TEX15: variants seen among roughly 807,000 people sequenced by gnomAD.
The protein encoded by TEX15 is testis-expressed protein 15.
TEX15 carries 171 observed loss-of-function variants against 237.3 expected under a neutral mutation model. That is an observed-to-expected ratio of 0.72 (90% CI 0.64 to 0.82). TEX15 has a LOEUF of 0.82. Ranked by LOEUF, TEX15 falls within the 40% of genes least tolerant of loss-of-function variation. TEX15 has a pLI of 0.00. For missense variants in TEX15, 3,750 were observed against 3,646.5 expected (o/e 1.03, Z -0.73); for synonymous variants, 1,338 against 1,269.8 (o/e 1.05, Z -1.14).
In TEX15 at chr8:30,867,602, G is replaced by A. The variant is rs1385734706; in HGVS notation, c.303-100C>T. On this transcript the variant is annotated intron_variant, in intron 4 of 10. Coordinates refer to ENST00000643185, the MANE Select transcript of TEX15 (RefSeq NM_001350162.2). ...TTACCACAGTTAGAAAGCAAGAGAA[G>A]TAGCGATATTCAGAGGTATTACTAC... 4.3e-6 allele frequency: 3 copies of A among 700,270 alleles called. No individual in the cohort carries two copies. In the African/African-American group the frequency reaches 5.3e-5, roughly 12 times the overall value. 43.4% of individuals were successfully genotyped at this position (700,270 alleles called of 1,614,324 possible). A position where few individuals can be genotyped will look rare whatever the true frequency, so the allele number is the denominator to read the frequency against.
At chr8:30,892,948 G>C (rs983262708) in intron 2 of TEX15, among the ~76,000 whole-genome samples, 1 of 151,608 alleles carries the variant, frequency 6.6e-6, no homozygotes, top group East Asian at 1.9e-4. Flanking sequence ...CAGGAGAACA[G>C]CGTGAACCCG....
chr8:30,887,033 A>G, intron 3 of TEX15, 134 bp downstream of exon 3: 1 of 721,430 alleles, frequency 1.4e-6, no homozygotes, highest in Non-Finnish European at 2.2e-6. Context: ...ACATAAGTAC[A>G]TGTATGTTTA....
intron 1 of TEX15, among the ~76,000 whole-genome samples, chr8:30,902,013 A>G (rs1209725907): frequency 1.3e-5 from 2 of 152,172 alleles, no homozygotes; most frequent in Non-Finnish European, 1.5e-5. Context: ...CTAGATCAGC[A>G]GCATCAGCAC....
intron 1 of TEX15, among the ~76,000 whole-genome samples, chr8:30,911,354 G>T (rs967877550): frequency 6.6e-6 from 1 of 152,046 alleles, no homozygotes; most frequent in Non-Finnish European, 1.5e-5. Flanking sequence ...ATTTCCCCAT[G>T]TTGCCCAGGC....
At chr8:30,893,032 C>CAA (rs60813874) in intron 2 of TEX15, among the ~76,000 whole-genome samples, 9,817 of 81,150 alleles carry the variant, frequency 0.12, 594 homozygotes, top group Admixed American at 0.26. Flanking sequence ...GACTCTGCCT[C>CAA]AAAAAAAAAA....
At position 30,859,989 on chromosome 8, in the gene TEX15, A is replaced by C; in HGVS notation, c.609T>G (p.Ser203=). 6.6e-7 allele frequency: 1 copy of C among 1,519,130 alleles called. No homozygotes were observed. The highest frequency in any genetic ancestry group is 8.8e-7 in the Non-Finnish European group (1 of 1,140,826). 94.1% of individuals were successfully genotyped at this position (1,519,130 alleles called of 1,614,324 possible). A position where few individuals can be genotyped will look rare whatever the true frequency, so the allele number is the denominator to read the frequency against. The change falls in exon 6 of 11, where the codon TCT becomes TCG. Residue 203 remains serine (S), a synonymous_variant. Transcript: ENST00000643185. ...VDKNKVSLDP[S]PNFDCHMSRN... The stretch of plus-strand genomic sequence containing the variant: ...TTGACATATGGCAATCAAAGTTAGG[A>C]GAAGGATCCAAAGAAACTTTATTTT...
chr8:30,848,262 T>C lies in TEX15; in HGVS notation c.1905A>G (p.Glu635=). The C allele has an allele frequency of 6.2e-7, 1 of 1,612,088 alleles. No individual in the cohort carries two copies. Among genetic ancestry groups the C allele is most frequent in the Middle Eastern group, 1.7e-4 (1 of 6,044 alleles). Residue 635 remains glutamate (E), a synonymous_variant, in exon 8 of 11, where the codon GAA becomes GAG. Transcript: ENST00000643185. ...ADLEDSSKHE[E]KQTSWKEIDN... The stretch of plus-strand genomic sequence containing the variant: ...CAATTTCTTTCCATGAAGTTTGCTT[T>C]TCTTCATGTTTGGAACTGTCTTCCA...
intron 2 of TEX15, 42 bp from the exon 3 acceptor site, chr8:30,887,353 T>C: frequency 6.7e-7 from 1 of 1,482,092 alleles, no homozygotes; most frequent in African/African-American, 1.4e-5. Context: ...GGTCAATAAA[T>C]ACATAAAAGG....
At chr8:30,899,127 G>A (rs759518361) in intron 1 of TEX15, among the ~76,000 whole-genome samples, 4 of 151,852 alleles carry the variant, frequency 2.6e-5, no homozygotes, top group Non-Finnish European at 5.9e-5. Context: ...CCAATCTCAC[G>A]CAGCTCTACT....
In TEX15 at chr8:30,837,102, T is replaced by C. The variant is rs139535218; in HGVS notation, c.9182A>G (p.Tyr3061Cys). The C allele has an allele frequency of 8.7e-5, 140 of 1,614,114 alleles. No homozygotes were observed. In the African/African-American group the frequency reaches 1.4e-3, roughly 16 times the overall value. ...TACTTCATATGATGTTATCCCTTGG[T>C]ATGTCTGGGTAATGGCATTGCCATT... Reference protein sequence around the residue: ...NSNGNAITQTYQGITSYEVQP... With the variant: ...NSNGNAITQTCQGITSYEVQP... Residue 3061 changes from tyrosine (Y) to cysteine (C), a missense_variant, in exon 10 of 11, where the codon TAC (tyrosine) becomes TGC (cysteine). Coordinates refer to ENST00000643185, the MANE Select transcript of TEX15 (RefSeq NM_001350162.2).
chr8:30,861,973 C>A (rs1013889554), intron 5 of TEX15, among the ~76,000 whole-genome samples: 5 of 152,038 alleles, frequency 3.3e-5, no homozygotes, highest in Admixed American at 3.3e-4. Flanking sequence ...ACACATTAGA[C>A]TGGCAAAAGT....
chr8:30,896,830 T>C (rs766285417), intron 2 of TEX15, among the ~76,000 whole-genome samples: 2 of 152,216 alleles, frequency 1.3e-5, no homozygotes, highest in Non-Finnish European at 1.5e-5. Flanking sequence ...AAATCTATTA[T>C]GAAGTGCTAA....
chr8:30,849,364 G>A, intron 7 of TEX15, 48 bp from the exon 8 acceptor site: 2 of 1,135,110 alleles, frequency 1.8e-6, no homozygotes, highest in Non-Finnish European at 2.4e-6. Flanking sequence ...TGTTTCTATA[G>A]ACAACTATTA....
At position 30,878,644 on chromosome 8, in the gene TEX15, C is replaced by T. The variant is rs553502949; in HGVS notation, c.137-3542G>A. Among the ~76,000 whole-genome samples the T allele has an allele frequency of 8.2e-4, 125 of 152,266 alleles. 1 individual carries two copies. The highest frequency in any genetic ancestry group is 1.3e-3 in the Non-Finnish European group (91 of 68,014). ...TCAGGTGATCCACCTGCCTCAGCCT[C>T]CCAAAGTGCTGGGAATACATGCGTG... On this transcript the variant is annotated intron_variant, in intron 3 of 10. Transcript: ENST00000643185.
intron 3 of TEX15, among the ~76,000 whole-genome samples, chr8:30,883,008 C>A (rs932255239): frequency 3.9e-5 from 6 of 151,984 alleles, no homozygotes; most frequent in African/African-American, 9.7e-5. Flanking sequence ...TGGGCTCAAA[C>A]AAATCTCCCA....
intron 8 of TEX15, among the ~76,000 whole-genome samples, chr8:30,840,270 A>C (rs1465413749): frequency 6.6e-6 from 1 of 151,592 alleles, no homozygotes; most frequent in Non-Finnish European, 1.5e-5. Context: ...ATATTGGCTC[A>C]CTGCAACCTC....
At position 30,867,394 on chromosome 8, in the gene TEX15, A is replaced by T. The variant is rs112707562; in HGVS notation, c.411T>A (p.Ser137Arg). Residue 137 changes from serine to arginine, a missense_variant, in exon 5 of 11, where the codon AGT becomes AGA. By Grantham distance (110) the Ser-to-Arg change is moderately radical. Coordinates refer to ENST00000643185, the MANE Select transcript of TEX15 (RefSeq NM_001350162.2). ...GTATCTTCAATGTAGATGCTCTGGT[A>T]CTTATTCCATTCTGATATATCTGGG... ...DVAQIYQNGI[S>R]TRASTLKILG... 7.2e-6 allele frequency: 11 copies of T among 1,533,270 alleles called. No homozygotes were observed. The East Asian group carries it at 2.4e-4, about 34-fold the overall frequency. 95.0% of individuals were successfully genotyped at this position (1,533,270 alleles called of 1,614,324 possible).
At chr8:30,881,633 T>A (rs541649835) in intron 3 of TEX15, among the ~76,000 whole-genome samples, 1,791 of 140,822 alleles carry the variant, frequency 0.013, 288 homozygotes, top group Admixed American at 0.048. Context: ...TTTATTATTT[T>A]TTTTTTTTGA....
chr8:30,870,036 C>T (rs1389030064), intron 4 of TEX15, among the ~76,000 whole-genome samples: 1 of 151,928 alleles, frequency 6.6e-6, no homozygotes, highest in Non-Finnish European at 1.5e-5. Flanking sequence ...CACCTCTGAA[C>T]CCTGCATGTA....
Sources: gnomAD v4.1 joint callset for allele counts (sites outside exome capture counted in the v4.1 genomes callset) on GRCh38, gnomAD v4.1.1 for gene constraint, MANE v1.5 for transcripts, NCBI Gene and HGNC (gene_info 2026-07-23, HGNC 2026-07-21) for gene names.